The following RPS6KC1 variants were observed in gnomAD, a reference collection of about 807,000 sequenced individuals.
The protein encoded by RPS6KC1 is inactive ribosomal protein S6 kinase delta-1.
Under a neutral mutation model 103.8 loss-of-function variants are expected in RPS6KC1, and 54 were observed. That is an observed-to-expected ratio of 0.52 (90% confidence interval 0.42 to 0.65). The LOEUF is 0.65. Among genes scored for constraint, RPS6KC1 ranks in the 30% least tolerant of loss-of-function variants. The pLI is 0.00. For synonymous variants in RPS6KC1, 439 were observed against 438.7 expected, an observed-to-expected ratio of 1.00 and a Z score of -0.01; for missense variants, 1,151 against 1,253.8, an observed-to-expected ratio of 0.92 and a Z score of 1.24.
At chr1:213,835,767 G>A in the RPS6KC1 span, 4 of 152,162 alleles carry the variant, frequency 2.6e-5, no homozygotes, top group Admixed American at 2.6e-4. Context: ...CACTTGAGGG[G>A]GACTAGAGTG....
chr1:213,798,294 G>T, the RPS6KC1 span, among the ~76,000 whole-genome samples: 1 of 152,216 alleles, frequency 6.6e-6, no homozygotes, highest in African/African-American at 2.4e-5. Flanking sequence ...AATGGAAAAA[G>T]TGAAGTCGCA....
At chr1:213,771,235 A>G in the RPS6KC1 span, among the ~76,000 whole-genome samples, 4 of 151,990 alleles carry the variant, frequency 2.6e-5, no homozygotes, top group Admixed American at 2.6e-4. Flanking sequence ...GAGTGCATTG[A>G]GGTCCCGAGT....
At chr1:213,257,635 C>T (rs1392471018) in intron 12 of RPS6KC1, among the ~76,000 whole-genome samples, 1 of 152,074 alleles carries the variant, frequency 6.6e-6, no homozygotes, top group African/African-American at 2.4e-5. Flanking sequence ...GAAATGGTAG[C>T]TGCTATTTTA....
intron 14 of RPS6KC1, among the ~76,000 whole-genome samples, chr1:213,271,477 T>C (rs1179901701): frequency 6.6e-6 from 1 of 152,000 alleles, no homozygotes; most frequent in Non-Finnish European, 1.5e-5. Flanking sequence ...ATCAAAATGT[T>C]CTAAAAGGCC....
the RPS6KC1 span, among the ~76,000 whole-genome samples, chr1:213,331,117 C>T: frequency 1.3e-5 from 2 of 152,314 alleles, no homozygotes; most frequent in East Asian, 1.9e-4. Context: ...GCCAGTGCCC[C>T]TTTCTGACTG....
chr1:213,132,179 A>G (rs1055106695), intron 6 of RPS6KC1, among the ~76,000 whole-genome samples: 2 of 152,206 alleles, frequency 1.3e-5, no homozygotes, highest in African/African-American at 2.4e-5. Context: ...CTAGACTGCT[A>G]TCTTAAGGAA....
At chr1:213,172,371 A>G (rs542679146) in intron 7 of RPS6KC1, among the ~76,000 whole-genome samples, 13 of 152,334 alleles carry the variant, frequency 8.5e-5, no homozygotes, top group African/African-American at 3.1e-4. Flanking sequence ...AGGCAGGTGG[A>G]TCACTTGAGG....
chr1:213,076,160 G>T (rs1321778467), intron 2 of RPS6KC1, among the ~76,000 whole-genome samples: 3 of 152,180 alleles, frequency 2.0e-5, no homozygotes, highest in Non-Finnish European at 1.5e-5. Context: ...GACTCTTTTT[G>T]TTGTTGAGTA....
chr1:213,703,152 G>GC, the RPS6KC1 span, among the ~76,000 whole-genome samples: 3 of 152,116 alleles, frequency 2.0e-5, no homozygotes, highest in South Asian at 4.1e-4. Flanking sequence ...CTATCTTATA[G>GC]CCCATTATTT....
the RPS6KC1 span, among the ~76,000 whole-genome samples, chr1:213,670,818 G>GGC: frequency 6.6e-6 from 1 of 152,184 alleles, no homozygotes; most frequent in Non-Finnish European, 1.5e-5. Context: ...GATGTGGCAG[G>GGC]GCTGGTCAGC....
chr1:213,122,476 A>G (rs1356007920), intron 5 of RPS6KC1, among the ~76,000 whole-genome samples: 1 of 152,186 alleles, frequency 6.6e-6, no homozygotes, highest in African/African-American at 2.4e-5. Flanking sequence ...TTAAATAGGA[A>G]TATTTGTCAC....
chr1:213,741,849 G>A, the RPS6KC1 span, among the ~76,000 whole-genome samples: 8 of 152,140 alleles, frequency 5.3e-5, no homozygotes, highest in Admixed American at 3.9e-4. Context: ...TGACTGGGAA[G>A]CTCGGTATGC....
the RPS6KC1 span, among the ~76,000 whole-genome samples, chr1:213,369,188 G>A: frequency 3.3e-5 from 5 of 152,222 alleles, no homozygotes; most frequent in African/African-American, 1.2e-4. Context: ...GAGGTATGGA[G>A]TAGGCAACTT....
chr1:213,841,044 A>G, the RPS6KC1 span: 1 of 152,160 alleles, frequency 6.6e-6, no homozygotes, highest in African/African-American at 2.4e-5. Context: ...TCACTTCTCT[A>G]TGGTCTCCCA....
At chr1:213,057,752 C>CTTTTTTT (rs869259657) in intron 1 of RPS6KC1, among the ~76,000 whole-genome samples, 28 of 73,702 alleles carry the variant, frequency 3.8e-4, no homozygotes, top group East Asian at 9.8e-4. Context: ...TCTGAAGTAT[C>CTTTTTTT]TTTTTTTTTT....
the RPS6KC1 span, among the ~76,000 whole-genome samples, chr1:213,465,776 T>C: frequency 2.0e-5 from 3 of 152,170 alleles, no homozygotes; most frequent in African/African-American, 7.2e-5. Flanking sequence ...AATTTCATCC[T>C]CTCTGGACCT....
chr1:213,527,339 A>G, the RPS6KC1 span, among the ~76,000 whole-genome samples: 1 of 152,210 alleles, frequency 6.6e-6, no homozygotes, highest in Non-Finnish European at 1.5e-5. Context: ...AATTTTCTGC[A>G]AATATATAGA....
At chr1:213,416,195 G>A in the RPS6KC1 span, among the ~76,000 whole-genome samples, 20 of 152,192 alleles carry the variant, frequency 1.3e-4, no homozygotes, top group African/African-American at 2.9e-4. Flanking sequence ...GAGCATGCCC[G>A]TCTCTGTCCT....
At chr1:213,312,058 G>C in the RPS6KC1 span, among the ~76,000 whole-genome samples, 1 of 151,878 alleles carries the variant, frequency 6.6e-6, no homozygotes, top group Non-Finnish European at 1.5e-5. Context: ...CCACCATGCC[G>C]GACTAATTTT....
Sources: gnomAD v4.1 joint callset for allele counts (sites outside exome capture counted in the v4.1 genomes callset) on GRCh38, gnomAD v4.1.1 for gene constraint, MANE v1.5 for transcripts, NCBI Gene and HGNC (gene_info 2026-07-23, HGNC 2026-07-21) for gene names.